CA10: variants seen among roughly 807,000 people sequenced by gnomAD.
CA10 encodes the protein carbonic anhydrase-related protein 10.
CA10 carries 14 observed loss-of-function variants against 44.2 expected under a neutral mutation model. The ratio of observed to expected loss-of-function variants is 0.32; its 90% CI spans 0.21 to 0.50. CA10 has a LOEUF of 0.50. CA10 is among the 20% of genes least tolerant of loss of function. The pLI is 0.99. For synonymous variants in CA10, 159 were observed against 141.6 expected, an observed-to-expected ratio of 1.12 and a Z score of -0.87; for missense variants, 350 against 409.7, an observed-to-expected ratio of 0.85 and a Z score of 1.26.
intron 2 of CA10, among the ~76,000 whole-genome samples, chr17:52,016,167 A>G (rs1251872299): frequency 6.6e-6 from 1 of 152,110 alleles, no homozygotes; most frequent in Admixed American, 6.5e-5. Context: ...GATTCAAAGC[A>G]GCTCAGAGCA....
intron 1 of CA10, among the ~76,000 whole-genome samples, chr17:52,095,548 TTTCC>T (rs1988381666): frequency 6.6e-6 from 1 of 152,156 alleles, no homozygotes; most frequent in South Asian, 2.1e-4. Context: ...ACTATACCAG[TTTCC>T]TGAATAAGAA....
intron 4 of CA10, among the ~76,000 whole-genome samples, chr17:51,704,973 AAAAAAAGAAAAAG>A: frequency 1.3e-5 from 2 of 151,960 alleles, no homozygotes; most frequent in African/African-American, 2.4e-5. Context: ...TCTAAAAAAA[AAAAAAAGAAAAAG>A]AAAAAAGAAA....
At chr17:51,705,623 G>GA (rs953013482) in intron 4 of CA10, among the ~76,000 whole-genome samples, 33 of 149,124 alleles carry the variant, frequency 2.2e-4, no homozygotes, top group East Asian at 2.0e-3. Context: ...TAATTCACTT[G>GA]AAAAAAAAAA....
intron 3 of CA10, among the ~76,000 whole-genome samples, chr17:51,827,578 C>A (rs1005357811): frequency 1.3e-5 from 2 of 152,206 alleles, no homozygotes; most frequent in East Asian, 3.8e-4. Context: ...ACACCTTTTA[C>A]TAGCTAACAG....
In CA10 at chr17:51,874,510, G is replaced by A. The variant is rs117787809; in HGVS notation, c.279+56480C>T. 8.5e-3 allele frequency among the ~76,000 whole-genome samples: 1,287 copies of A among 152,036 alleles called. 14 individuals carry two copies. The highest frequency in any genetic ancestry group is 0.013 in the Non-Finnish European group (903 of 68,006). On this transcript the variant is annotated intron_variant, in intron 3 of 8. Transcript: ENST00000451037. ...ATTGTTTCAGTAATTAAAATGTCAG[G>A]AGGCGGGCAGAGTTGATTAGAATAG...
intron 3 of CA10, among the ~76,000 whole-genome samples, chr17:51,843,085 C>A (rs907880873): frequency 6.6e-6 from 1 of 152,148 alleles, no homozygotes; most frequent in African/African-American, 2.4e-5. Context: ...CAGAAACAAG[C>A]TAAAGTGAAG....
intron 3 of CA10, among the ~76,000 whole-genome samples, chr17:51,899,105 G>A (rs565079302): frequency 9.2e-5 from 14 of 151,912 alleles, no homozygotes; most frequent in African/African-American, 2.9e-4. Flanking sequence ...GCTGGCTCTT[G>A]TTTTTCTTGT....
At chr17:51,745,860 A>T (rs1337243352) in intron 4 of CA10, among the ~76,000 whole-genome samples, 14 of 152,258 alleles carry the variant, frequency 9.2e-5, no homozygotes, top group Non-Finnish European at 2.1e-4. Flanking sequence ...AAAAATGAGC[A>T]AGTAAGTCAA....
At chr17:51,903,372 T>C (rs1170509289) in intron 3 of CA10, among the ~76,000 whole-genome samples, 1 of 152,186 alleles carries the variant, frequency 6.6e-6, no homozygotes, top group Non-Finnish European at 1.5e-5. Context: ...GGCTATTTCT[T>C]ACCACACTGC....
intron 2 of CA10, among the ~76,000 whole-genome samples, chr17:51,979,456 G>T (rs1030916990): frequency 1.3e-5 from 2 of 152,030 alleles, no homozygotes; most frequent in African/African-American, 2.4e-5. Flanking sequence ...GTACCCAATA[G>T]CTATCTTTTC....
At chr17:52,093,920 T>C (rs981091751) in intron 1 of CA10, among the ~76,000 whole-genome samples, 2 of 151,256 alleles carry the variant, frequency 1.3e-5, no homozygotes, top group Admixed American at 1.3e-4. Flanking sequence ...ATCTGGTAAG[T>C]TGGAAAGCTG....
chr17:51,850,621 C>A (rs1193451016), intron 3 of CA10, among the ~76,000 whole-genome samples: 3 of 152,170 alleles, frequency 2.0e-5, no homozygotes, highest in African/African-American at 7.2e-5. Flanking sequence ...GACCGACAGG[C>A]AAGCGTTTGA....
intron 4 of CA10, among the ~76,000 whole-genome samples, chr17:51,712,829 TTTC>T (rs1915984436): frequency 6.6e-6 from 1 of 152,190 alleles, no homozygotes; most frequent in African/African-American, 2.4e-5. Flanking sequence ...TGTGGAGTGG[TTTC>T]TTCTTTTGGG....
At chr17:51,892,385 T>C (rs1027096005) in intron 3 of CA10, among the ~76,000 whole-genome samples, 4 of 152,316 alleles carry the variant, frequency 2.6e-5, no homozygotes, top group Non-Finnish European at 2.9e-5. Flanking sequence ...TAATTATGTA[T>C]ACTGTTGTTT....
chr17:51,865,455 A>G (rs749878496), intron 3 of CA10, among the ~76,000 whole-genome samples: 13 of 152,202 alleles, frequency 8.5e-5, no homozygotes, highest in Non-Finnish European at 1.8e-4. Flanking sequence ...CCTCTTGGGT[A>G]GTGAAAAAGT....
At chr17:51,877,049 G>T (rs1382565314) in intron 3 of CA10, among the ~76,000 whole-genome samples, 1 of 152,168 alleles carries the variant, frequency 6.6e-6, no homozygotes, top group African/African-American at 2.4e-5. Context: ...GCTCCTTTTA[G>T]GTTGCATGTG....
At chr17:51,668,659 A>G (rs960883447) in intron 4 of CA10, among the ~76,000 whole-genome samples, 43 of 152,152 alleles carry the variant, frequency 2.8e-4, no homozygotes, top group Non-Finnish European at 4.1e-4. Context: ...CGGCCTCTGC[A>G]TCCACTCTGG....
intron 1 of CA10, among the ~76,000 whole-genome samples, chr17:52,127,068 G>C (rs1267188443): frequency 6.6e-6 from 1 of 152,074 alleles, no homozygotes; most frequent in Non-Finnish European, 1.5e-5. Context: ...AAAGGCTCAA[G>C]TTCCTTTTAC....
chr17:52,084,961 C>T (rs1772785665), intron 1 of CA10, among the ~76,000 whole-genome samples: 1 of 152,204 alleles, frequency 6.6e-6, no homozygotes, highest in Non-Finnish European at 1.5e-5. Flanking sequence ...GGGATGTGGA[C>T]ATCATAGCTA....
Sources: gnomAD v4.1 joint callset for allele counts (sites outside exome capture counted in the v4.1 genomes callset) on GRCh38, gnomAD v4.1.1 for gene constraint, MANE v1.5 for transcripts, NCBI Gene and HGNC (gene_info 2026-07-23, HGNC 2026-07-21) for gene names.